STPG1: variants seen among roughly 807,000 people sequenced by gnomAD.
The protein encoded by STPG1 is sperm tail PG-rich repeat containing 1, also known as O(6)-methylguanine-induced apoptosis 2.
Under a neutral mutation model 40.1 loss-of-function variants are expected in STPG1, and 33 were observed. The observed-to-expected ratio is 0.82, with a 90% CI of 0.62 to 1.10. STPG1 has a LOEUF of 1.10. Among genes scored for constraint, STPG1 ranks in the 50% least tolerant of loss-of-function variants. STPG1 has a pLI of 0.00. For missense variants in STPG1, 396 were observed against 415.1 expected (o/e 0.95, Z 0.40); for synonymous variants, 150 against 155.0 (o/e 0.97, Z 0.24).
intron 4 of STPG1, among the ~76,000 whole-genome samples, chr1:24,380,814 T>C (rs779691157): frequency 3.3e-5 from 5 of 152,156 alleles, no homozygotes; most frequent in African/African-American, 1.2e-4. Flanking sequence ...CCCCAGCCTC[T>C]TCAGTAATGG....
In STPG1 at chr1:24,358,566, T is replaced by C; in HGVS notation, c.982A>G (p.Lys328Glu). The change falls in exon 9 of 9, where the codon AAG becomes GAG. Residue 328 changes from lysine to glutamate, a missense_variant. Transcript: ENST00000337248. ...CCCTACAGAACCGGGATCCATTTCT[T>C]GTCCTCGTTGTAGAGGAAGGACTGC... The part of the protein sequence containing the change: ...GKQSFLYNED[K>E]KWIPVL 2 of 1,614,134 alleles carry C rather than the reference T, an allele frequency of 1.2e-6. No homozygotes were observed. Among genetic ancestry groups the C allele is most frequent in the Non-Finnish European group, 1.7e-6 (2 of 1,179,952 alleles).
At chr1:24,360,089 G>A (rs1205865446) in intron 8 of STPG1, among the ~76,000 whole-genome samples, 1 of 152,170 alleles carries the variant, frequency 6.6e-6, no homozygotes, top group Non-Finnish European at 1.5e-5. Context: ...GCTCTCCAGG[G>A]CTTCCTCAGC....
rs189396787 is a variant in STPG1 at position 24,369,224 on chromosome 1, G to C, written c.737+450C>G. On this transcript the variant is annotated intron_variant, in intron 7 of 8. Transcript: ENST00000337248. ...AAGCTATGAGAGCTTGACTGCTTCT[G>C]AATGTCCTGCCACTCCAGCGAAGAT... 969 of 393,532 alleles carry C rather than the reference G, an allele frequency of 2.5e-3. 23 individuals are homozygous for C. Among genetic ancestry groups the C allele is most frequent in the South Asian group, 0.017 (852 of 50,400 alleles). 24.4% of individuals were successfully genotyped at this position (393,532 alleles called of 1,614,324 possible).
At chr1:24,392,023 C>G (rs1277339621) in intron 2 of STPG1, 4 of 1,050,160 alleles carry the variant, frequency 3.8e-6, no homozygotes, top group South Asian at 3.0e-5. Flanking sequence ...GCAGCCTGGA[C>G]GAGGCGCGGT....
intron 1 of STPG1, among the ~76,000 whole-genome samples, chr1:24,411,440 T>A (rs1643635919): frequency 6.6e-6 from 1 of 152,216 alleles, no homozygotes. Context: ...TATGATTGGT[T>A]TGTTATTATT....
At chr1:24,386,562 T>C (rs746054836) in intron 3 of STPG1, among the ~76,000 whole-genome samples, 1 of 152,068 alleles carries the variant, frequency 6.6e-6, no homozygotes, top group Non-Finnish European at 1.5e-5. Context: ...TCGAGGAGGG[T>C]AAATGGTGGT....
intron 6 of STPG1, among the ~76,000 whole-genome samples, chr1:24,371,446 C>A (rs1339871361): frequency 6.6e-6 from 1 of 151,826 alleles, no homozygotes; most frequent in Non-Finnish European, 1.5e-5. Flanking sequence ...AAAAAATTAG[C>A]CAGGTGTGGT....
chr1:24,391,465 G>T, intron 3 of STPG1, 96 bp downstream of exon 3: 1 of 783,044 alleles, frequency 1.3e-6, no homozygotes, highest in Non-Finnish European at 2.1e-6. Flanking sequence ...GCCCTCCACT[G>T]TCCACAGAAA....
intron 1 of STPG1, among the ~76,000 whole-genome samples, chr1:24,405,662 T>A (rs966553198): frequency 8.5e-5 from 13 of 152,232 alleles, no homozygotes; most frequent in Non-Finnish European, 4.4e-5. Flanking sequence ...ATTTCTCTTT[T>A]AAGCTTTGTC....
At chr1:24,365,833 G>A (rs1336403858) in intron 7 of STPG1, among the ~76,000 whole-genome samples, 2 of 152,212 alleles carry the variant, frequency 1.3e-5, no homozygotes, top group Admixed American at 6.5e-5. Flanking sequence ...CAGGCCCACA[G>A]GGCTGGTGAG....
In STPG1 at chr1:24,357,085, A is replaced by G. The variant is rs1250722306; in HGVS notation, c.*1458T>C. The G allele has an allele frequency of 7.2e-6, 1 of 138,116 alleles. No individual in the cohort carries two copies. Among genetic ancestry groups the G allele is most frequent in the African/African-American group, 2.6e-5 (1 of 37,784 alleles). The allele number at this position is 138,116 out of a possible 1,614,324, so 8.6% of individuals were successfully genotyped here. On this transcript the variant is annotated 3_prime_UTR_variant, in exon 9 of 9. Transcript: ENST00000337248. ...AAAAAAAATCCATGGTGAACAAAAC[A>G]TCACAGTTTTAAAGACAGGATTCGT...
Position 24,411,154 on chromosome 1 carries a change from T to C in STPG1, c.-69+2520A>G, listed in dbSNP as rs960660400. ...ACTTAAAATAATAGCTATCATTTAT[T>C]GAGCCTGCACAGTCCTAAATGCCTT... On this transcript the variant is annotated intron_variant, in intron 1 of 8. Coordinates refer to ENST00000337248, the MANE Select transcript of STPG1 (RefSeq NM_001199013.2). Among the ~76,000 whole-genome samples the C allele has an allele frequency of 2.0e-5, 3 of 152,234 alleles. No individual in the cohort carries two copies. In the East Asian group the frequency reaches 5.8e-4, roughly 29 times the overall value.
chr1:24,413,193 G>A (rs1643804244), intron 1 of STPG1, among the ~76,000 whole-genome samples: 1 of 152,230 alleles, frequency 6.6e-6, no homozygotes, highest in Admixed American at 6.5e-5. Context: ...TTAGCGGCGG[G>A]CTAGTGACCA....
chr1:24,391,031 C>G (rs1473969594), intron 3 of STPG1, among the ~76,000 whole-genome samples: 1 of 152,006 alleles, frequency 6.6e-6, no homozygotes, highest in African/African-American at 2.4e-5. Flanking sequence ...GTTGCCTGGG[C>G]TGATCTGAAA....
intron 4 of STPG1, among the ~76,000 whole-genome samples, chr1:24,382,038 G>A (rs2148697373): frequency 6.6e-6 from 1 of 152,334 alleles, no homozygotes; most frequent in South Asian, 2.1e-4. Flanking sequence ...GGGAGGAGAG[G>A]GGGAAGCCTG....
chr1:24,396,241 A>G (rs926774758), intron 2 of STPG1, among the ~76,000 whole-genome samples: 1 of 151,208 alleles, frequency 6.6e-6, no homozygotes, highest in Non-Finnish European at 1.5e-5. Flanking sequence ...CAGATAGTAC[A>G]TATCTGTCTA....
At chr1:24,370,615 C>T (rs1373999731) in intron 6 of STPG1, among the ~76,000 whole-genome samples, 1 of 152,138 alleles carries the variant, frequency 6.6e-6, no homozygotes, top group African/African-American at 2.4e-5. Context: ...CCTCAGCCTC[C>T]CAAGTAGCTG....
rs901054947 is a variant in STPG1 at position 24,359,820 on chromosome 1, T to C, written c.928+1031A>G. 6.6e-6 allele frequency among the ~76,000 whole-genome samples: 1 copy of C among 152,198 alleles called. No homozygotes were observed. The highest frequency in any genetic ancestry group is 1.5e-5 in the Non-Finnish European group (1 of 68,026). Reference sequence around the variant, plus strand: ...CTGTGGTAATAGCGAAAGCGCTCTATAGAGAGCTACAAATAGGTCAGGAAG... The same window carrying C: ...CTGTGGTAATAGCGAAAGCGCTCTACAGAGAGCTACAAATAGGTCAGGAAG... On this transcript the variant is annotated intron_variant, in intron 8 of 8. Coordinates refer to ENST00000337248, the MANE Select transcript of STPG1 (RefSeq NM_001199013.2). This position sits in a 1 kb window ranked among gnomAD's most constrained non-coding sequence, Gnocchi z 5.3.
chr1:24,374,254 TTTG>T (rs1422807057), intron 5 of STPG1, among the ~76,000 whole-genome samples: 24,648 of 96,518 alleles, frequency 0.26, 7,259 homozygotes, highest in African/African-American at 0.33. Flanking sequence ...GTTTTTTTTT[TTTG>T]TTTTTTTTTT....
Sources: gnomAD v4.1 joint callset for allele counts (sites outside exome capture counted in the v4.1 genomes callset) on GRCh38, gnomAD v4.1.1 for gene constraint, Gnocchi (gnomAD v3.1) non-coding constraint, MANE v1.5 for transcripts, NCBI Gene and HGNC (gene_info 2026-07-23, HGNC 2026-07-21) for gene names.